The following ZNF483 variants were observed in gnomAD, a reference collection of about 807,000 sequenced individuals.
The protein encoded by ZNF483 is zinc finger protein 483, also known as zinc finger protein HIT-10.
ZNF483 carries 9 observed loss-of-function variants against 28.6 expected under a neutral mutation model. The observed-to-expected ratio is 0.32, with a 90% CI of 0.19 to 0.55. ZNF483 has a LOEUF of 0.55. Ranked by LOEUF, ZNF483 falls within the 20% of genes least tolerant of loss-of-function variation. The pLI is 0.93. For synonymous variants in ZNF483, 322 were observed against 306.2 expected (o/e 1.05, Z -0.54); for missense variants, 675 against 871.7 (o/e 0.77, Z 2.84).
At chr9:111,556,077 T>G (rs995171084), downstream of ZNF483, among the ~76,000 whole-genome samples, 23 of 152,246 alleles carry the variant, frequency 1.5e-4, no homozygotes, top group African/African-American at 5.3e-4. Context: ...GTACAGACAC[T>G]GGGTAAATGC....
At chr9:111,563,403 C>T in intron 5 of ZNF483, 1 of 574,316 alleles carries the variant, frequency 1.7e-6, no homozygotes, top group South Asian at 3.0e-5. Flanking sequence ...TCCACTTACA[C>T]AGTACATGTA....
intron 5 of ZNF483, among the ~76,000 whole-genome samples, chr9:111,535,246 GT>G (rs766411982): frequency 3.9e-5 from 6 of 152,236 alleles, no homozygotes; most frequent in Non-Finnish European, 7.3e-5. Context: ...GGTGTGAGTG[GT>G]GCATTTTTAT....
At chr9:111,531,859 T>A (rs1189963411) in intron 3 of ZNF483, among the ~76,000 whole-genome samples, 1 of 152,166 alleles carries the variant, frequency 6.6e-6, no homozygotes, top group African/African-American at 2.4e-5. Flanking sequence ...TTTTAAAATA[T>A]TTTTTGTAGA....
chr9:111,557,964 T>C (rs1034915953), downstream of ZNF483, among the ~76,000 whole-genome samples: 2 of 152,086 alleles, frequency 1.3e-5, no homozygotes, highest in Non-Finnish European at 1.5e-5. Flanking sequence ...CTGGCCAAAA[T>C]AGTGAAACTC....
Position 111,544,267 on chromosome 9 carries a change from C to T in ZNF483, c.*1097C>T. On this transcript the variant is annotated 3_prime_UTR_variant, in exon 6 of 6. Coordinates refer to ENST00000309235, the MANE Select transcript of ZNF483 (RefSeq NM_133464.5). Reference sequence around the variant, plus strand: ...AAAACAATTTTGCCTGTAGCAAGTACATTTTTTTGCAATTGGAGTGTAAAC... The same window carrying T: ...AAAACAATTTTGCCTGTAGCAAGTATATTTTTTTGCAATTGGAGTGTAAAC... The T allele has an allele frequency of 1.0e-6, 1 of 985,288 alleles. No individual in the cohort carries two copies. Among genetic ancestry groups the T allele is most frequent in the Non-Finnish European group, 1.2e-6 (1 of 829,930 alleles). 61.0% of individuals were successfully genotyped at this position (985,288 alleles called of 1,614,324 possible).
chr9:111,530,102 G>T (rs1456185341), intron 2 of ZNF483, among the ~76,000 whole-genome samples: 1 of 152,136 alleles, frequency 6.6e-6, no homozygotes, highest in Non-Finnish European at 1.5e-5. Context: ...TGCTTAGAGG[G>T]TTGGAACTCA....
At position 111,545,025 on chromosome 9, in the gene ZNF483, G is replaced by A. The variant is rs375328328; in HGVS notation, c.*1855G>A. 2.7e-4 allele frequency among the ~76,000 whole-genome samples: 41 copies of A among 152,322 alleles called. No homozygotes were observed. In the South Asian group the frequency reaches 8.3e-3, roughly 31 times the overall value. On this transcript the variant is annotated 3_prime_UTR_variant, in exon 6 of 6. Coordinates refer to ENST00000309235, the MANE Select transcript of ZNF483 (RefSeq NM_133464.5). Reference sequence around the variant, plus strand: ...AATCTTAGACTCAGGAACATTTACTGTGACTAATGTATGTAGGTGTGAAAT... The same window carrying A: ...AATCTTAGACTCAGGAACATTTACTATGACTAATGTATGTAGGTGTGAAAT...
rs540128446 is a variant in ZNF483, at chr9:111,537,127, T to C, written c.721+2774T>C. Among the ~76,000 whole-genome samples, 22 of 152,222 alleles carry C rather than the reference T, an allele frequency of 1.4e-4. No homozygotes were observed. The South Asian group carries it at 4.4e-3, about 30-fold the overall frequency. ...ATTTACAGTATTGCACTAAACACAG[T>C]GAAAAATAGGAGGGAACCGCAAGAG... is the stretch of plus-strand genomic sequence containing the variant. On this transcript the variant is annotated intron_variant, in intron 5 of 5. Coordinates refer to ENST00000309235, the MANE Select transcript of ZNF483 (RefSeq NM_133464.5).
chr9:111,569,800 A>G, intron 5 of ZNF483: 1 of 383,018 alleles, frequency 2.6e-6, no homozygotes, highest in Non-Finnish European at 4.9e-6. Flanking sequence ...ATGGAAAGAG[A>G]GGAATGGCAG....
At chr9:111,556,424 T>A (rs1828123530), downstream of ZNF483, among the ~76,000 whole-genome samples, 1 of 152,228 alleles carries the variant, frequency 6.6e-6, no homozygotes, top group Non-Finnish European at 1.5e-5. Flanking sequence ...TGTAGGGGGC[T>A]CCATCCCCAT....
Position 111,543,622 on chromosome 9 carries a change from C to G in ZNF483, c.*452C>G. On this transcript the variant is annotated 3_prime_UTR_variant, in exon 6 of 6. Transcript: ENST00000309235. Reference sequence around the variant, plus strand: ...AAGGGATGGGATTAATGATTTTTGCCTTTTTTGGTTTTTTAGTTTTTTATT... The same window carrying G: ...AAGGGATGGGATTAATGATTTTTGCGTTTTTTGGTTTTTTAGTTTTTTATT... The G allele has an allele frequency of 1.0e-6, 1 of 986,326 alleles. No homozygotes were observed. The highest frequency in any genetic ancestry group is 4.7e-5 in the South Asian group (1 of 21,296). The allele number at this position is 986,326 out of a possible 1,614,324, so 61.1% of individuals were successfully genotyped here.
intron 5 of ZNF483, among the ~76,000 whole-genome samples, chr9:111,561,108 TATAGAGAG>T (rs1828290408): frequency 4.8e-5 from 1 of 20,860 alleles, no homozygotes; most frequent in Non-Finnish European, 8.2e-5. Flanking sequence ...TATATATATA[TATAGAGAG>T]AGAGAGAGAG....
chr9:111,535,063 A>G (rs1827455996), intron 5 of ZNF483, among the ~76,000 whole-genome samples: 1 of 152,162 alleles, frequency 6.6e-6, no homozygotes, highest in East Asian at 1.9e-4. Flanking sequence ...GCCAAACAGG[A>G]GTCCTTGCCA....
intron 1 of ZNF483, 56 bp from the exon 2 acceptor site, chr9:111,527,212 T>C (rs1827204328): frequency 1.8e-6 from 1 of 565,244 alleles, no homozygotes; most frequent in Non-Finnish European, 3.0e-6. Context: ...ACGATGTTTT[T>C]AGGACTAACA....
chr9:111,564,089 C>A, intron 5 of ZNF483: 1 of 206,488 alleles, frequency 4.8e-6, no homozygotes, highest in Non-Finnish European at 9.7e-6. Flanking sequence ...CAAGGCACAG[C>A]CTACTAATGG....
chr9:111,543,245 A>G lies in ZNF483; in HGVS notation c.*75A>G, dbSNP rs1827716050. Reference sequence around the variant, plus strand: ...CTGAAACCCTGGGATGTAAACTTACAGTATTGATCAGTAGCTGCAGCTTTC... The same window carrying G: ...CTGAAACCCTGGGATGTAAACTTACGGTATTGATCAGTAGCTGCAGCTTTC... On this transcript the variant is annotated 3_prime_UTR_variant, in exon 6 of 6. Coordinates refer to ENST00000309235, the MANE Select transcript of ZNF483 (RefSeq NM_133464.5). 1 of 1,502,718 alleles carries G rather than the reference A, an allele frequency of 6.7e-7. No homozygotes were observed. The highest frequency in any genetic ancestry group is 1.4e-5 in the African/African-American group (1 of 71,614). 93.1% of individuals were successfully genotyped at this position (1,502,718 alleles called of 1,614,324 possible).
At chr9:111,530,491 G>A (rs941541576) in intron 2 of ZNF483, among the ~76,000 whole-genome samples, 2 of 151,952 alleles carry the variant, frequency 1.3e-5, no homozygotes, top group Admixed American at 6.6e-5. Context: ...AAAAGCCCTG[G>A]AGGGTCGGAC....
intron 3 of ZNF483, among the ~76,000 whole-genome samples, chr9:111,533,393 C>T (rs1231154136): frequency 6.6e-6 from 1 of 152,154 alleles, no homozygotes; most frequent in Non-Finnish European, 1.5e-5. Context: ...TCTTTATATC[C>T]TATCCAGGCT....
intron 2 of ZNF483, among the ~76,000 whole-genome samples, chr9:111,529,397 CA>C (rs1223960558): frequency 6.6e-6 from 1 of 152,210 alleles, no homozygotes; most frequent in African/African-American, 2.4e-5. Context: ...AGGGATCACT[CA>C]TAGGCAGTAT....
Sources: gnomAD v4.1 joint callset for allele counts (sites outside exome capture counted in the v4.1 genomes callset) on GRCh38, gnomAD v4.1.1 for gene constraint, MANE v1.5 for transcripts, NCBI Gene and HGNC (gene_info 2026-07-23, HGNC 2026-07-21) for gene names.